DPP6: variants seen among roughly 807,000 people sequenced by gnomAD.
The protein encoded by DPP6 is A-type potassium channel modulatory protein DPP6.
Under a neutral mutation model 122.6 loss-of-function variants are expected in DPP6, and 69 were observed. The observed-to-expected ratio is 0.56, with a 90% CI of 0.46 to 0.69. The LOEUF (loss-of-function observed/expected upper bound fraction) is 0.69. DPP6 is among the 30% of genes least tolerant of loss of function. The pLI is 0.00. For missense variants in DPP6, 928 were observed against 1,116.9 expected (o/e 0.83, Z 2.41); for synonymous variants, 418 against 433.1 (o/e 0.97, Z 0.43).
chr7:154,564,510 C>T (rs1301579899), intron 4 of DPP6, among the ~76,000 whole-genome samples: 1 of 152,146 alleles, frequency 6.6e-6, no homozygotes, highest in Admixed American at 6.5e-5. Context: ...ATTCCAAAAA[C>T]ATTTTTGAAA....
chr7:154,149,080 A>G (rs536333735), intron 1 of DPP6, among the ~76,000 whole-genome samples: 1 of 152,352 alleles, frequency 6.6e-6, no homozygotes, highest in South Asian at 2.1e-4. Flanking sequence ...AGTTCTGTCC[A>G]AAGGGAGCTT....
chr7:153,861,445 A>G, the DPP6 span, among the ~76,000 whole-genome samples: 9 of 152,350 alleles, frequency 5.9e-5, no homozygotes, highest in African/African-American at 1.9e-4. Context: ...CAAAAGATGC[A>G]TATGTTTCCA....
At chr7:154,447,734 T>C (rs909615155) in intron 2 of DPP6, among the ~76,000 whole-genome samples, 9 of 152,120 alleles carry the variant, frequency 5.9e-5, no homozygotes, top group Admixed American at 4.6e-4. Flanking sequence ...CATGACCAAA[T>C]AGGATATATT....
chr7:153,765,790 A>T, the DPP6 span, among the ~76,000 whole-genome samples: 1 of 152,214 alleles, frequency 6.6e-6, no homozygotes, highest in Non-Finnish European at 1.5e-5. Flanking sequence ...TTTTCTTTAC[A>T]CACCGTACTG....
At chr7:154,298,822 C>A (rs1805713661) in intron 1 of DPP6, among the ~76,000 whole-genome samples, 1 of 152,142 alleles carries the variant, frequency 6.6e-6, no homozygotes, top group Non-Finnish European at 1.5e-5. Context: ...AGACTTTGGA[C>A]CAAGTTCACT....
chr7:154,158,058 C>G (rs1796781792), intron 1 of DPP6, among the ~76,000 whole-genome samples: 1 of 149,192 alleles, frequency 6.7e-6, no homozygotes, highest in Admixed American at 6.7e-5. Context: ...AAGATTAACT[C>G]TTCCGTATTA....
chr7:154,621,275 G>A (rs946064374), intron 5 of DPP6, among the ~76,000 whole-genome samples: 5 of 152,094 alleles, frequency 3.3e-5, no homozygotes, highest in Non-Finnish European at 4.4e-5. Context: ...AAATCTCCAC[G>A]GTCTTATAAC....
chr7:153,879,327 C>T, the DPP6 span, among the ~76,000 whole-genome samples: 3 of 152,112 alleles, frequency 2.0e-5, no homozygotes, highest in Non-Finnish European at 2.9e-5. Context: ...GGGAGCTATG[C>T]TTAAAATACC....
chr7:154,875,838 T>G lies in DPP6; in HGVS notation c.1884-68T>G. On this transcript the variant is annotated intron_variant, in intron 19 of 25. Transcript: ENST00000377770. This position sits in a 1 kb window ranked among gnomAD's most constrained non-coding sequence, Gnocchi z 4.5. ...AATCCCTTACGGGGGTCATCTGACG[T>G]GGCAGCTGCTAGACCAGCCGCCACC... is the stretch of plus-strand genomic sequence containing the variant. 6.5e-7 allele frequency: 1 copy of G among 1,545,588 alleles called. No individual in the cohort carries two copies. The highest frequency in any genetic ancestry group is 8.7e-7 in the Non-Finnish European group (1 of 1,146,442).
chr7:154,415,761 T>A (rs913709130), intron 1 of DPP6, among the ~76,000 whole-genome samples: 8 of 149,752 alleles, frequency 5.3e-5, no homozygotes, highest in Non-Finnish European at 8.9e-5. Flanking sequence ...GCTGGAGAAG[T>A]GCATTTTCAG....
chr7:153,966,481 C>T (rs1403002683), intron 1 of DPP6, among the ~76,000 whole-genome samples: 3 of 147,130 alleles, frequency 2.0e-5, no homozygotes, highest in Non-Finnish European at 4.5e-5. Flanking sequence ...CCCGCCTTGG[C>T]CCCTTCTCCC....
chr7:154,467,537 G>A (rs1308697098), intron 2 of DPP6, among the ~76,000 whole-genome samples: 1 of 152,144 alleles, frequency 6.6e-6, no homozygotes, highest in Non-Finnish European at 1.5e-5. Context: ...TACCATGATT[G>A]TAAGTTTCCT....
At chr7:153,974,421 C>A (rs1249809349) in intron 1 of DPP6, among the ~76,000 whole-genome samples, 1 of 152,032 alleles carries the variant, frequency 6.6e-6, no homozygotes, top group African/African-American at 2.4e-5. Context: ...ATTTGTGACC[C>A]CAAAAAAGAA....
chr7:154,752,601 G>A (rs562945975), intron 8 of DPP6, among the ~76,000 whole-genome samples: 1 of 152,272 alleles, frequency 6.6e-6, no homozygotes, highest in South Asian at 2.1e-4. Context: ...GTACTAAGGA[G>A]GCCTCACCCT....
At chr7:154,692,886 C>G (rs140722456) in intron 7 of DPP6, among the ~76,000 whole-genome samples, 3,781 of 151,658 alleles carry the variant, frequency 0.025, 76 homozygotes, top group Non-Finnish European at 0.039. Flanking sequence ...ACCTCAACCT[C>G]AAGCAGGTGT....
chr7:154,316,668 C>T (rs1364989838), intron 1 of DPP6, among the ~76,000 whole-genome samples: 9 of 152,254 alleles, frequency 5.9e-5, no homozygotes, highest in Non-Finnish European at 1.2e-4. Flanking sequence ...CCTCAGTTGC[C>T]CTCTACTGGG....
chr7:154,210,604 A>G (rs1799687453), intron 1 of DPP6, among the ~76,000 whole-genome samples: 1 of 152,162 alleles, frequency 6.6e-6, no homozygotes, highest in South Asian at 2.1e-4. Flanking sequence ...TTGTCTGGCA[A>G]ATAGAAGACA....
At chr7:154,178,017 T>A (rs1466785520) in intron 1 of DPP6, among the ~76,000 whole-genome samples, 1 of 152,130 alleles carries the variant, frequency 6.6e-6, no homozygotes, top group African/African-American at 2.4e-5. Context: ...GCCAACCCAC[T>A]GGTCACTGAG....
chr7:154,476,862 C>T (rs55856130), intron 3 of DPP6, among the ~76,000 whole-genome samples: 5,826 of 152,202 alleles, frequency 0.038, 213 homozygotes, highest in African/African-American at 0.083. Flanking sequence ...GAAGCCGAGG[C>T]AGGCAGATCG....
Sources: gnomAD v4.1 joint callset for allele counts (sites outside exome capture counted in the v4.1 genomes callset) on GRCh38, gnomAD v4.1.1 for gene constraint, Gnocchi (gnomAD v3.1) non-coding constraint, MANE v1.5 for transcripts, NCBI Gene and HGNC (gene_info 2026-07-23, HGNC 2026-07-21) for gene names.